Variants in FBXL20 observed in about 807,000 individuals in gnomAD.
FBXL20 encodes F-box and leucine rich repeat protein 20.
In FBXL20, 11 loss-of-function variants were observed where a neutral mutation model predicts 64.0. The ratio of observed to expected loss-of-function variants is 0.17; its 90% CI spans 0.11 to 0.28. The LOEUF (loss-of-function observed/expected upper bound fraction) is 0.28, where lower values mean the gene tolerates loss of function less well. FBXL20 is among the 10% of genes least tolerant of loss of function. The pLI, the probability that FBXL20 is intolerant of heterozygous loss-of-function variation, is 1.00. For synonymous variants in FBXL20, 184 were observed against 189.0 expected, an observed-to-expected ratio of 0.97 and a Z score of 0.22; for missense variants, 303 against 526.2, an observed-to-expected ratio of 0.58 and a Z score of 4.15.
chr17:39,282,646 CA>C, intron 8 of FBXL20, 82 bp downstream of exon 8: 2 of 1,573,126 alleles, frequency 1.3e-6, no homozygotes, highest in Non-Finnish European at 1.7e-6. Context: ...TCCCTCCAGA[CA>C]AACATCTTGG....
chr17:39,349,246 C>T (rs561361654), intron 1 of FBXL20, among the ~76,000 whole-genome samples: 1 of 147,574 alleles, frequency 6.8e-6, no homozygotes, highest in Non-Finnish European at 1.5e-5. Flanking sequence ...AGCGGGACTC[C>T]GTCTCAAAAT....
chr17:39,369,453 A>G (rs2047893604), intron 1 of FBXL20, among the ~76,000 whole-genome samples: 1 of 151,714 alleles, frequency 6.6e-6, no homozygotes, highest in Non-Finnish European at 1.5e-5. Context: ...ACAGGGTTTC[A>G]CCATGTTGGT....
At position 39,257,315 on chromosome 17, in the gene FBXL20, A is replaced by G. The variant is rs1023243848; in HGVS notation, c.*4145T>C. ...TACTAAAACATTATGGCTATCTTGA[A>G]TAACTCAAATAGTCTGGAAAGCCCA... On this transcript the variant is annotated 3_prime_UTR_variant, in exon 15 of 15. Coordinates refer to ENST00000264658, the MANE Select transcript of FBXL20 (RefSeq NM_032875.3). 2.6e-5 allele frequency: 4 copies of G among 152,260 alleles called. No individual in the cohort carries two copies. Among genetic ancestry groups the G allele is most frequent in the African/African-American group, 9.6e-5 (4 of 41,474 alleles). The allele number at this position is 152,260 out of a possible 1,614,324, so 9.4% of individuals were successfully genotyped here.
At chr17:39,353,743 C>T (rs546599461) in intron 1 of FBXL20, among the ~76,000 whole-genome samples, 8 of 152,166 alleles carry the variant, frequency 5.3e-5, no homozygotes, top group African/African-American at 1.9e-4. Flanking sequence ...CTGCCTCAGC[C>T]TCCCAAGTAG....
At chr17:39,269,627 T>G (rs2046824951) in intron 11 of FBXL20, among the ~76,000 whole-genome samples, 1 of 151,894 alleles carries the variant, frequency 6.6e-6, no homozygotes, top group Non-Finnish European at 1.5e-5. Flanking sequence ...GCCTCCCAAG[T>G]AGCTGGGATT....
chr17:39,325,781 G>C (rs902889353), intron 2 of FBXL20, among the ~76,000 whole-genome samples: 3 of 152,116 alleles, frequency 2.0e-5, no homozygotes, highest in African/African-American at 7.2e-5. Context: ...ACTTATATTT[G>C]AGCTGGCACC....
chr17:39,270,668 T>C, intron 11 of FBXL20, 128 bp downstream of exon 11: 1 of 713,926 alleles, frequency 1.4e-6, no homozygotes, highest in Non-Finnish European at 2.3e-6. Flanking sequence ...AGCTATAGCA[T>C]GAAACCCCGT....
intron 12 of FBXL20, among the ~76,000 whole-genome samples, chr17:39,267,423 C>T (rs748381590): frequency 6.6e-6 from 1 of 152,146 alleles, no homozygotes; most frequent in Non-Finnish European, 1.5e-5. Flanking sequence ...AGAAAGGAAT[C>T]AGACGATAGT....
At chr17:39,344,242 G>A (rs989536118) in intron 1 of FBXL20, among the ~76,000 whole-genome samples, 17 of 151,650 alleles carry the variant, frequency 1.1e-4, no homozygotes, top group African/African-American at 3.1e-4. Flanking sequence ...TCCTAGCTAC[G>A]TGGGAGGCTG....
intron 6 of FBXL20, among the ~76,000 whole-genome samples, chr17:39,286,731 G>A (rs1276973048): frequency 6.6e-6 from 1 of 151,562 alleles, no homozygotes; most frequent in African/African-American, 2.4e-5. Flanking sequence ...CCAGGAGGCG[G>A]AGGTTGCAGC....
At chr17:39,363,849 T>C (rs373219201) in intron 1 of FBXL20, among the ~76,000 whole-genome samples, 3 of 71,748 alleles carry the variant, frequency 4.2e-5, no homozygotes, top group Non-Finnish European at 5.4e-5. Context: ...AAAAAAACAA[T>C]AAAAAGTAAG....
At chr17:39,360,876 C>T (rs2047787529) in intron 1 of FBXL20, among the ~76,000 whole-genome samples, 1 of 152,104 alleles carries the variant, frequency 6.6e-6, no homozygotes, top group Non-Finnish European at 1.5e-5. Context: ...CTTAGATATA[C>T]CAGTTGTTAC....
At chr17:39,378,661 G>C (rs924614132) in intron 1 of FBXL20, among the ~76,000 whole-genome samples, 6 of 151,558 alleles carry the variant, frequency 4.0e-5, no homozygotes, top group African/African-American at 1.5e-4. Flanking sequence ...CCAGGCTGGA[G>C]TGCAGTGGCA....
chr17:39,326,701 C>A (rs571258744), intron 2 of FBXL20, among the ~76,000 whole-genome samples: 1 of 151,616 alleles, frequency 6.6e-6, no homozygotes, highest in African/African-American at 2.4e-5. Context: ...CTCACTGCAG[C>A]CTCAAACTCC....
At chr17:39,273,091 G>A (rs1241620707) in intron 10 of FBXL20, among the ~76,000 whole-genome samples, 4 of 152,020 alleles carry the variant, frequency 2.6e-5, no homozygotes, top group Non-Finnish European at 5.9e-5. Context: ...CCCAGGCTGG[G>A]AGTGCAACTT....
At chr17:39,370,594 G>A (rs1175809896) in intron 1 of FBXL20, among the ~76,000 whole-genome samples, 1 of 150,800 alleles carries the variant, frequency 6.6e-6, no homozygotes, top group Non-Finnish European at 1.5e-5. Flanking sequence ...AGACCATCCT[G>A]GCTAACACGG....
chr17:39,295,713 T>A (rs184720588), intron 6 of FBXL20, among the ~76,000 whole-genome samples: 51 of 151,798 alleles, frequency 3.4e-4, no homozygotes, highest in African/African-American at 1.1e-3. Flanking sequence ...CTTCCCCATA[T>A]AAGTAACTAT....
chr17:39,287,866 C>G (rs1409968801), intron 6 of FBXL20, among the ~76,000 whole-genome samples: 1 of 151,996 alleles, frequency 6.6e-6, no homozygotes, highest in Non-Finnish European at 1.5e-5. Flanking sequence ...TTTCCAAATC[C>G]TTGTCAACAC....
At chr17:39,315,338 G>C (rs1344846395) in intron 2 of FBXL20, among the ~76,000 whole-genome samples, 1 of 149,208 alleles carries the variant, frequency 6.7e-6, no homozygotes, top group Non-Finnish European at 1.5e-5. Flanking sequence ...TTTTAGTAAG[G>C]TTTTCACAAA....
Sources: gnomAD v4.1 joint callset for allele counts (sites outside exome capture counted in the v4.1 genomes callset) on GRCh38, gnomAD v4.1.1 for gene constraint, MANE v1.5 for transcripts, NCBI Gene and HGNC (gene_info 2026-07-23, HGNC 2026-07-21) for gene names.